BTNL9: variants seen among roughly 807,000 people sequenced by gnomAD.
BTNL9 encodes the protein butyrophilin-like protein 9.
BTNL9 carries 45 observed loss-of-function variants against 45.8 expected under a neutral mutation model. The observed-to-expected ratio is 0.98, with a 90% CI of 0.77 to 1.26. The LOEUF is 1.26. Ranked by LOEUF, BTNL9 falls within the 50% of genes most tolerant of loss-of-function variation. The pLI is 0.00. For synonymous variants in BTNL9, 346 were observed against 330.8 expected, an observed-to-expected ratio of 1.05 and a Z score of -0.50; for missense variants, 784 against 729.7, an observed-to-expected ratio of 1.07 and a Z score of -0.86.
rs1348739911 is a variant in BTNL9, at chr5:181,053,089, G to C, written c.737-111G>C. On this transcript the variant is annotated intron_variant, in intron 4 of 10. Transcript: ENST00000327705. This position sits in a 1 kb window ranked among gnomAD's most constrained non-coding sequence, Gnocchi z 6.5. ...CCGTTTCCCAGGCGGCTGCGGTGGC[G>C]CCCGGAGAAGGTCCCGCGGGAGGTT... 1 of 913,602 alleles carries C rather than the reference G, an allele frequency of 1.1e-6. No homozygotes were observed. Among genetic ancestry groups the C allele is most frequent in the Non-Finnish European group, 1.6e-6 (1 of 638,224 alleles). 56.6% of individuals were successfully genotyped at this position (913,602 alleles called of 1,614,324 possible).
chr5:181,043,208 G>T, intron 1 of BTNL9, among the ~76,000 whole-genome samples: 1 of 151,546 alleles, frequency 6.6e-6, no homozygotes, highest in South Asian at 2.1e-4. Flanking sequence ...ATGTGTCTGT[G>T]TGTGTGCATC....
chr5:181,060,195 G>C lies in BTNL9; in HGVS notation c.*333G>C, dbSNP rs1334193189. 1.2e-5 allele frequency: 4 copies of C among 327,436 alleles called. No individual in the cohort carries two copies. The highest frequency in any genetic ancestry group is 2.1e-5 in the African/African-American group (1 of 47,198). The allele number at this position is 327,436 out of a possible 1,614,324, so 20.3% of individuals were successfully genotyped here. A position where few individuals can be genotyped will look rare whatever the true frequency, so the allele number is the denominator to read the frequency against. ...GGAGAAAACTTTGGTGACTGCCTTA[G>C]AGGGATCAGTTAATTTGTATAGTTT... On this transcript the variant is annotated 3_prime_UTR_variant, in exon 11 of 11. Coordinates refer to ENST00000327705, the MANE Select transcript of BTNL9 (RefSeq NM_152547.5).
At chr5:181,044,733 G>T (rs554579737) in intron 1 of BTNL9, among the ~76,000 whole-genome samples, 1 of 152,348 alleles carries the variant, frequency 6.6e-6, no homozygotes, top group African/African-American at 2.4e-5. Flanking sequence ...AGCATCAGGA[G>T]TGAGGGGGTA....
Position 181,054,256 on chromosome 5 carries a change from C to CTGGGTAAG in BTNL9, c.906_907+6dup. 1.2e-6 allele frequency: 2 copies of CTGGGTAAG among 1,609,522 alleles called. No homozygotes were observed. Among genetic ancestry groups the CTGGGTAAG allele is most frequent in the Non-Finnish European group, 1.7e-6 (2 of 1,179,334 alleles). On this transcript the variant is annotated frameshift_variant, in exon 7 of 11. Transcript: ENST00000327705. LOFTEE classifies it high-confidence loss of function. ...TTCTCTAGAGAAACTCACTGCAGAG[C>CTGGGTAAG]TGGGTAAGTTCTGGGTGCGGGGCCA...
chr5:181,040,672 A>T (rs1046790392), intron 1 of BTNL9, among the ~76,000 whole-genome samples: 5 of 152,218 alleles, frequency 3.3e-5, no homozygotes, highest in Non-Finnish European at 7.3e-5. Flanking sequence ...CAGACGAAAA[A>T]GATTTCAAGC....
chr5:181,050,396 CT>C lies in BTNL9; in HGVS notation c.736+29del, dbSNP rs761472404. The C allele has an allele frequency of 1.2e-6, 2 of 1,608,836 alleles. No individual in the cohort carries two copies. Among genetic ancestry groups the C allele is most frequent in the Non-Finnish European group, 1.7e-6 (2 of 1,177,024 alleles). ...TCAGTGGCTGTTAGCTCACACCCAT[CT>C]TCCTAGTCCTCATGTGTACATACAC... is the stretch of plus-strand genomic sequence containing the variant. On this transcript the variant is annotated intron_variant, in intron 4 of 10. Transcript: ENST00000327705. The surrounding 1 kb of genome is among the most constrained non-coding windows in gnomAD (Gnocchi z 4.9).
chr5:181,051,189 C>T lies in BTNL9; in HGVS notation c.736+820C>T, dbSNP rs925546814. On this transcript the variant is annotated intron_variant, in intron 4 of 10. Coordinates refer to ENST00000327705, the MANE Select transcript of BTNL9 (RefSeq NM_152547.5). ...GTCCACAGATTACAAAAGGCACGTC[C>T]AGGAAGTGGGCGTGTAGGCAGTGAG... Among the ~76,000 whole-genome samples the T allele has an allele frequency of 7.9e-5, 12 of 151,916 alleles. No homozygotes were observed. In the East Asian group the frequency reaches 1.9e-3, roughly 25 times the overall value.
chr5:181,049,289 A>T (rs753171298), intron 3 of BTNL9, among the ~76,000 whole-genome samples: 1 of 152,200 alleles, frequency 6.6e-6, no homozygotes, highest in Non-Finnish European at 1.5e-5. Context: ...CTTTTTAAAA[A>T]CAATTGCAAA....
rs143224692 is a variant in BTNL9, at chr5:181,055,437, G to T, written c.912G>T (p.Lys304Asn). Reference sequence around the variant, plus strand: ...CTTTGTGTGTTCTGCTTGCAGAAAAGCTTCAGACAGAGCTTGGTAAGTGAC... The same window carrying T: ...CTTTGTGTGTTCTGCTTGCAGAAAATCTTCAGACAGAGCTTGGTAAGTGAC... ...RQEKLTAELE[K>N]LQTELDWRRA... The change falls in exon 8 of 11, where the codon AAG becomes AAT. Residue 304 changes from lysine to asparagine, a missense_variant. By Grantham distance (94) the Lys-to-Asn change is moderately conservative. Coordinates refer to ENST00000327705, the MANE Select transcript of BTNL9 (RefSeq NM_152547.5). The surrounding 1 kb of genome is among the most constrained non-coding windows in gnomAD (Gnocchi z 4.4). The T allele has an allele frequency of 6.1e-4, 978 of 1,614,160 alleles. 1 individual carries two copies. The highest frequency in any genetic ancestry group is 7.6e-4 in the Non-Finnish European group (901 of 1,180,030).
rs778161879 is a variant in BTNL9, at chr5:181,059,771, C to G, written c.1517C>G (p.Pro506Arg). The G allele has an allele frequency of 1.2e-6, 2 of 1,610,998 alleles. No individual in the cohort carries two copies. The highest frequency in any genetic ancestry group is 3.3e-5 in the Admixed American group (2 of 59,948). ...GATCCCCTGACCATCTGCCCGCTGC[C>G]GGTTAGAGGGACGGGCGTCCCCGAA... Reference protein sequence around the residue: ...HPDPLTICPLPVRGTGVPEEN... With the variant: ...HPDPLTICPLRVRGTGVPEEN... Residue 506 changes from proline to arginine, a missense_variant, in exon 11 of 11, where the codon CCG becomes CGG. Pro to Arg is a moderately radical substitution (Grantham distance 103). Coordinates refer to ENST00000327705, the MANE Select transcript of BTNL9 (RefSeq NM_152547.5).
In BTNL9 at chr5:181,053,654, G is replaced by A; in HGVS notation, c.886+153G>A. On this transcript the variant is annotated intron_variant, in intron 6 of 10. Transcript: ENST00000327705. This position sits in a 1 kb window ranked among gnomAD's most constrained non-coding sequence, Gnocchi z 6.5. ...GGGATCGGTGACCCCGGTGGGGAAGGGGGAAGATCGTTCATATGGACAAAA... is the reference window on the plus strand; with the variant it reads ...GGGATCGGTGACCCCGGTGGGGAAGAGGGAAGATCGTTCATATGGACAAAA... 1 of 1,535,842 alleles carries A rather than the reference G, an allele frequency of 6.5e-7. No homozygotes were observed. The highest frequency in any genetic ancestry group is 8.8e-7 in the Non-Finnish European group (1 of 1,138,952).
At chr5:181,058,091 T>G (rs572492321) in intron 9 of BTNL9, among the ~76,000 whole-genome samples, 1 of 152,246 alleles carries the variant, frequency 6.6e-6, no homozygotes, top group African/African-American at 2.4e-5. Flanking sequence ...ACCTACATGC[T>G]CCACTCTCCT....
rs1372268993 is a variant in BTNL9, at chr5:181,053,646, T to A, written c.886+145T>A. On this transcript the variant is annotated intron_variant, in intron 6 of 10. Coordinates refer to ENST00000327705, the MANE Select transcript of BTNL9 (RefSeq NM_152547.5). This position sits in a 1 kb window ranked among gnomAD's most constrained non-coding sequence, Gnocchi z 6.5. Reference sequence around the variant, plus strand: ...GGGGAACGGGGATCGGTGACCCCGGTGGGGAAGGGGGAAGATCGTTCATAT... The same window carrying A: ...GGGGAACGGGGATCGGTGACCCCGGAGGGGAAGGGGGAAGATCGTTCATAT... 4.5e-6 allele frequency: 7 copies of A among 1,539,206 alleles called. No homozygotes were observed. The Admixed American group carries it at 1.4e-4, about 31-fold the overall frequency.
chr5:181,052,609 G>A (rs1053663158), intron 4 of BTNL9, among the ~76,000 whole-genome samples: 1 of 152,242 alleles, frequency 6.6e-6, no homozygotes, highest in Admixed American at 6.5e-5. Context: ...GCGAAGGGCC[G>A]GTGGGTTCTG....
At chr5:181,058,000 C>T (rs1364807569) in intron 9 of BTNL9, among the ~76,000 whole-genome samples, 7 of 152,206 alleles carry the variant, frequency 4.6e-5, no homozygotes. Flanking sequence ...AGCTGGGCCT[C>T]CTGGGCACAG....
At chr5:181,054,764 A>C (rs1261213331) in intron 7 of BTNL9, 29 of 985,288 alleles carry the variant, frequency 2.9e-5, no homozygotes, top group Non-Finnish European at 3.3e-5. Flanking sequence ...GGGGCAATTC[A>C]GATGAAACTG....
chr5:181,054,792 G>C, intron 7 of BTNL9: 1 of 985,408 alleles, frequency 1.0e-6, no homozygotes, highest in Non-Finnish European at 1.2e-6. Context: ...GGGAAAGCTT[G>C]TCTGGCAGTC....
Position 181,059,463 on chromosome 5 carries a change from C to A in BTNL9, c.1209C>A (p.Ala403=). ...RSRWFLGACL[A]AVPRAGPARL... ...GCTGGTTCCTGGGCGCCTGCCTGGCCGCGGTGCCGCGCGCGGGGCCTGCGC... is the reference window on the plus strand; with the variant it reads ...GCTGGTTCCTGGGCGCCTGCCTGGCAGCGGTGCCGCGCGCGGGGCCTGCGC... The change falls in exon 11 of 11, where the codon GCC becomes GCA. Residue 403 remains alanine (A), a synonymous_variant. Transcript: ENST00000327705. 1 of 1,442,386 alleles carries A rather than the reference C, an allele frequency of 6.9e-7. No individual in the cohort carries two copies. The highest frequency in any genetic ancestry group is 3.1e-5 in the Admixed American group (1 of 32,046). The allele number at this position is 1,442,386 out of a possible 1,614,324, so 89.3% of individuals were successfully genotyped here.
Position 181,053,925 on chromosome 5 carries a change from C to G in BTNL9, c.887-314C>G. The G allele has an allele frequency of 6.6e-7, 1 of 1,512,988 alleles. No individual in the cohort carries two copies. Among genetic ancestry groups the G allele is most frequent in the African/African-American group, 1.4e-5 (1 of 72,678 alleles). 93.7% of individuals were successfully genotyped at this position (1,512,988 alleles called of 1,614,324 possible). ...AGGCACCGAGAAAACAGCCCAGTTA[C>G]GTGAGGCAGTGTCCGGGGCTTAACG... On this transcript the variant is annotated intron_variant, in intron 6 of 10. Coordinates refer to ENST00000327705, the MANE Select transcript of BTNL9 (RefSeq NM_152547.5). This position sits in a 1 kb window ranked among gnomAD's most constrained non-coding sequence, Gnocchi z 6.5.
Sources: gnomAD v4.1 joint callset for allele counts (sites outside exome capture counted in the v4.1 genomes callset) on GRCh38, gnomAD v4.1.1 for gene constraint, Gnocchi (gnomAD v3.1) non-coding constraint, MANE v1.5 for transcripts, NCBI Gene and HGNC (gene_info 2026-07-23, HGNC 2026-07-21) for gene names.